The following CUZD1 variants were observed in gnomAD, a reference collection of about 807,000 sequenced individuals.
CUZD1 encodes the protein CUB and zona pellucida-like domain-containing protein 1.
CUZD1 carries 42 observed loss-of-function variants against 53.1 expected under a neutral mutation model. That is an observed-to-expected ratio of 0.79 (90% CI 0.62 to 1.02). The LOEUF (loss-of-function observed/expected upper bound fraction) is 1.02, where lower values mean the gene tolerates loss of function less well. Among genes scored for constraint, CUZD1 ranks in the 50% least tolerant of loss-of-function variants. The pLI is 0.00. For synonymous variants in CUZD1, 238 were observed against 257.2 expected (o/e 0.93, Z 0.71); for missense variants, 670 against 715.7 (o/e 0.94, Z 0.73).
chr10:122,837,127 C>T lies in CUZD1; in HGVS notation c.600-79G>A, dbSNP rs1224350002. 9 of 1,138,686 alleles carry T rather than the reference C, an allele frequency of 7.9e-6. No individual in the cohort carries two copies. The Admixed American group carries it at 8.1e-5, about 10-fold the overall frequency. The allele number at this position is 1,138,686 out of a possible 1,614,324, so 70.5% of individuals were successfully genotyped here. A position where few individuals can be genotyped will look rare whatever the true frequency, so the allele number is the denominator to read the frequency against. On this transcript the variant is annotated intron_variant, in intron 4 of 8. Transcript: ENST00000392790. ...TTTCTAACATCCCAACAATCCTACT[C>T]TTAAGTGATTATGGATTTTTTTTTT...
chr10:122,834,436 T>C (rs1238617478), intron 7 of CUZD1, among the ~76,000 whole-genome samples: 5 of 152,270 alleles, frequency 3.3e-5, no homozygotes, highest in Non-Finnish European at 7.4e-5. Flanking sequence ...AGAGCTTTTA[T>C]AACAGAAAAT....
chr10:122,835,616 A>C (rs1018181823), intron 6 of CUZD1, among the ~76,000 whole-genome samples: 1 of 152,148 alleles, frequency 6.6e-6, no homozygotes, highest in African/African-American at 2.4e-5. Context: ...ATTCTTTTCA[A>C]TTAGGTTACT....
chr10:122,845,352 G>A lies in CUZD1; in HGVS notation c.82+410C>T, dbSNP rs1847419708. ...GGCCTCCCAAAGTGCTGGGATTACA[G>A]GCGTGAGCCACCGCCCCCAGCCATC... On this transcript the variant is annotated intron_variant, in intron 1 of 8. Coordinates refer to ENST00000392790, the MANE Select transcript of CUZD1 (RefSeq NM_022034.6). Among the ~76,000 whole-genome samples the A allele has an allele frequency of 2.0e-5, 3 of 152,218 alleles. No homozygotes were observed. The South Asian group carries it at 6.2e-4, about 31-fold the overall frequency.
chr10:122,836,335 G>A lies in CUZD1; in HGVS notation c.833C>T (p.Ser278Phe), dbSNP rs959019903. ...ENINTTSLTC[S>F]SDRMRVIISK... ...TATAATAACTCTCATCCTGTCAGAA[G>A]AGCAAGTTAAAGATGCTGTCAGGAA... Residue 278 changes from serine (S) to phenylalanine (F), a missense_variant, in exon 6 of 9, where the codon TCT becomes TTT. Ser to Phe is a radical substitution (Grantham distance 155, BLOSUM62 -2). Coordinates refer to ENST00000392790, the MANE Select transcript of CUZD1 (RefSeq NM_022034.6). 119 of 1,522,212 alleles carry A rather than the reference G, an allele frequency of 7.8e-5. 1 individual carries two copies. The highest frequency in any genetic ancestry group is 1.0e-4 in the Non-Finnish European group (116 of 1,143,810). 94.3% of individuals were successfully genotyped at this position (1,522,212 alleles called of 1,614,324 possible). A position where few individuals can be genotyped will look rare whatever the true frequency, so the allele number is the denominator to read the frequency against.
In CUZD1 at chr10:122,845,657, T is replaced by C; in HGVS notation, c.82+105A>G. The C allele has an allele frequency of 3.6e-6, 3 of 825,514 alleles. No individual in the cohort carries two copies. The South Asian group carries it at 5.5e-5, about 15-fold the overall frequency. The allele number at this position is 825,514 out of a possible 1,614,324, so 51.1% of individuals were successfully genotyped here. A position where few individuals can be genotyped will look rare whatever the true frequency, so the allele number is the denominator to read the frequency against. Reference sequence around the variant, plus strand: ...AAGAGCATTAGAGTACATTTTTCTCTGAACTGGGGCCAACAGATATAAACA... The same window carrying C: ...AAGAGCATTAGAGTACATTTTTCTCCGAACTGGGGCCAACAGATATAAACA... On this transcript the variant is annotated intron_variant, in intron 1 of 8. Coordinates refer to ENST00000392790, the MANE Select transcript of CUZD1 (RefSeq NM_022034.6).
In CUZD1 at chr10:122,841,325, T is replaced by C. The variant is rs896940943; in HGVS notation, c.86A>G (p.Asn29Ser). Reference protein sequence around the residue: ...AELTMAEAEGNASCTVSLGGA... With the variant: ...AELTMAEAEGSASCTVSLGGA... ...CCCTAGACTGACTGTGCAGCTTGCA[T>C]TGCCTGTTAGAGATCACAGATGGCA... Residue 29 changes from asparagine (N) to serine (S), a missense_variant, in exon 2 of 9, where the codon AAT (asparagine) becomes AGT (serine). Coordinates refer to ENST00000392790, the MANE Select transcript of CUZD1 (RefSeq NM_022034.6). The C allele has an allele frequency of 3.1e-6, 5 of 1,603,126 alleles. No individual in the cohort carries two copies. The highest frequency in any genetic ancestry group is 4.3e-6 in the Non-Finnish European group (5 of 1,175,376).
intron 8 of CUZD1, 142 bp downstream of exon 8, chr10:122,833,530 T>C: frequency 1.2e-6 from 1 of 813,548 alleles, no homozygotes; most frequent in South Asian, 1.7e-5. Context: ...TAAATACTAA[T>C]CCTATATACT....
chr10:122,840,272 T>G (rs546863118), intron 2 of CUZD1, among the ~76,000 whole-genome samples: 1 of 152,346 alleles, frequency 6.6e-6, no homozygotes, highest in African/African-American at 2.4e-5. Context: ...TGGGCATTTG[T>G]TAGCTATGCA....
At chr10:122,841,446 G>A in intron 1 of CUZD1, 118 bp from the exon 2 acceptor site, 1 of 958,768 alleles carries the variant, frequency 1.0e-6, no homozygotes, top group Non-Finnish European at 1.4e-6. Flanking sequence ...AATTGTGGAT[G>A]GTACTTAGCT....
At chr10:122,834,447 A>G (rs1317729073) in intron 7 of CUZD1, among the ~76,000 whole-genome samples, 1 of 152,200 alleles carries the variant, frequency 6.6e-6, no homozygotes, top group Non-Finnish European at 1.5e-5. Flanking sequence ...AACAGAAAAT[A>G]AATTTGTTTC....
rs1847172623 is a variant in CUZD1 at position 122,832,241 on chromosome 10, TG to T, written c.*36del. On this transcript the variant is annotated 3_prime_UTR_variant, in exon 9 of 9. Coordinates refer to ENST00000392790, the MANE Select transcript of CUZD1 (RefSeq NM_022034.6). ...CGAGGTAGCATTTCCTTTGGCATCC[TG>T]GAGAAACATGTCTCACTTAGGGTTG... The T allele has an allele frequency of 6.2e-7, 1 of 1,603,576 alleles. No individual in the cohort carries two copies. Among genetic ancestry groups the T allele is most frequent in the South Asian group, 1.1e-5 (1 of 90,364 alleles).
chr10:122,834,037 ATC>A (rs111890953), intron 7 of CUZD1, 97 bp from the exon 8 acceptor site: 1 of 1,064,914 alleles, frequency 9.4e-7, no homozygotes, highest in African/African-American at 1.6e-5. Context: ...GAATCCAAAA[ATC>A]TCTCTCAAAA....
chr10:122,836,511 T>C (rs996202648), intron 5 of CUZD1, among the ~76,000 whole-genome samples, 161 bp from the exon 6 acceptor site: 8 of 152,236 alleles, frequency 5.3e-5, no homozygotes, highest in African/African-American at 1.7e-4. Flanking sequence ...TGATTCACCT[T>C]TTACTGTGTT....
Position 122,834,880 on chromosome 10 carries a change from T to C in CUZD1, c.1208A>G (p.Asn403Ser). 6.2e-7 allele frequency: 1 copy of C among 1,613,674 alleles called. No homozygotes were observed. The highest frequency in any genetic ancestry group is 1.1e-5 in the South Asian group (1 of 91,016). ...TTCAAGTATAGTCTTTTCAAATGAA[T>C]TGGATTCAAAAAGAGCCATGCTGGT... ...YNTSMALFES[N>S]SFEKTILESP... Residue 403 changes from asparagine to serine, a missense_variant, in exon 7 of 9, where the codon AAT (asparagine) becomes AGT (serine). Transcript: ENST00000392790.
At chr10:122,834,029 A>G in intron 7 of CUZD1, 89 bp from the exon 8 acceptor site, 3 of 1,136,786 alleles carry the variant, frequency 2.6e-6, no homozygotes, top group Non-Finnish European at 3.8e-6. Context: ...TAAGTTGTGA[A>G]TCCAAAAATC....
rs777940732 is a variant in CUZD1, at chr10:122,837,394, C to G, written c.599+10G>C. On this transcript the variant is annotated intron_variant, in intron 4 of 8. Transcript: ENST00000392790. The stretch of plus-strand genomic sequence containing the variant: ...CATTTGTTCCAACAGAATTGGGCAG[C>G]AGTACTTACAAAATCTCTTTGAAGT... 8 of 1,613,858 alleles carry G rather than the reference C, an allele frequency of 5.0e-6. No homozygotes were observed. In the East Asian group the frequency reaches 1.8e-4, roughly 36 times the overall value.
intron 6 of CUZD1, 44 bp from the exon 7 acceptor site, chr10:122,835,141 T>C (rs1489735427): frequency 1.4e-6 from 2 of 1,454,646 alleles, no homozygotes; most frequent in Non-Finnish European, 1.8e-6. Context: ...TTAAGTCCAG[T>C]AATATTTTAG....
Position 122,841,198 on chromosome 10 carries a change from T to A in CUZD1, c.213A>T (p.Arg71Ser). Residue 71 changes from arginine to serine, a missense_variant, in exon 2 of 9, where the codon AGA (arginine) becomes AGT (serine). By Grantham distance (110) the Arg-to-Ser change is moderately radical. Coordinates refer to ENST00000392790, the MANE Select transcript of CUZD1 (RefSeq NM_022034.6). ...TIERPENKSI[R>S]IIFSYVQLDP... ...CTTACTGGACATAGGAAAAGATAAT[T>A]CTGATGCTTTTGTTTTCTGGTCTTT... The A allele has an allele frequency of 6.2e-7, 1 of 1,613,690 alleles. No individual in the cohort carries two copies. Among genetic ancestry groups the A allele is most frequent in the East Asian group, 2.2e-5 (1 of 44,886 alleles).
At chr10:122,834,261 G>T (rs1732467872) in intron 7 of CUZD1, among the ~76,000 whole-genome samples, 1 of 151,956 alleles carries the variant, frequency 6.6e-6, no homozygotes, top group Non-Finnish European at 1.5e-5. Context: ...AAATTGTAAG[G>T]AAAAAAGGAA....
Sources: gnomAD v4.1 joint callset for allele counts (sites outside exome capture counted in the v4.1 genomes callset) on GRCh38, gnomAD v4.1.1 for gene constraint, MANE v1.5 for transcripts, NCBI Gene and HGNC (gene_info 2026-07-23, HGNC 2026-07-21) for gene names.